Variants in PDZD2 observed in about 807,000 individuals in gnomAD.
PDZD2 encodes the protein PDZ domain containing 2.
In PDZD2, 90 loss-of-function variants were observed where a neutral mutation model predicts 220.7. The ratio of observed to expected loss-of-function variants is 0.41; its 90% CI spans 0.34 to 0.49. PDZD2 has a LOEUF of 0.49. PDZD2 is among the 20% of genes least tolerant of loss of function. The pLI, the probability that PDZD2 is intolerant of heterozygous loss-of-function variation, is 0.28. For synonymous variants in PDZD2, 1,375 were observed against 1,450.5 expected, an observed-to-expected ratio of 0.95 and a Z score of 1.18; for missense variants, 3,174 against 3,608.5, an observed-to-expected ratio of 0.88 and a Z score of 3.08.
intron 2 of PDZD2, among the ~76,000 whole-genome samples, chr5:31,872,313 TG>T (rs1030198756): frequency 5.3e-5 from 8 of 152,126 alleles, no homozygotes; most frequent in Admixed American, 5.2e-4. Flanking sequence ...AGAATTTCCC[TG>T]GGGAAAAATC....
intron 1 of PDZD2, among the ~76,000 whole-genome samples, chr5:31,690,549 A>G (rs115785108): frequency 0.014 from 2,091 of 152,306 alleles, 54 homozygotes; most frequent in African/African-American, 0.048. Flanking sequence ...CTGTCTTTGC[A>G]TCTTCCAGCT....
chr5:31,875,400 A>G (rs1007027597), intron 2 of PDZD2, among the ~76,000 whole-genome samples: 17 of 152,004 alleles, frequency 1.1e-4, no homozygotes, highest in Admixed American at 8.5e-4. Flanking sequence ...CCTGGCCAAC[A>G]TGGCGAAACC....
At position 32,087,022 on chromosome 5, in the gene PDZD2, A is replaced by G; in HGVS notation, c.3683-109A>G. The G allele has an allele frequency of 1.5e-6, 1 of 677,940 alleles. No individual in the cohort carries two copies. The highest frequency in any genetic ancestry group is 2.6e-6 in the Non-Finnish European group (1 of 390,090). The allele number at this position is 677,940 out of a possible 1,614,324, so 42.0% of individuals were successfully genotyped here. A position where few individuals can be genotyped will look rare whatever the true frequency, so the allele number is the denominator to read the frequency against. On this transcript the variant is annotated intron_variant, in intron 19 of 24. Coordinates refer to ENST00000438447, the MANE Select transcript of PDZD2 (RefSeq NM_178140.4). The surrounding 1 kb of genome is among the most constrained non-coding windows in gnomAD (Gnocchi z 4.0). Reference sequence around the variant, plus strand: ...AAGAAAAAAATATTTGAGGTTGTTTATAATTTTCTAGTTTTTAATAATTGA... The same window carrying G: ...AAGAAAAAAATATTTGAGGTTGTTTGTAATTTTCTAGTTTTTAATAATTGA...
chr5:32,054,144 A>G (rs533248470), intron 10 of PDZD2, among the ~76,000 whole-genome samples: 3 of 151,954 alleles, frequency 2.0e-5, no homozygotes, highest in Non-Finnish European at 2.9e-5. Context: ...TTTAGTGTCT[A>G]TCTTGTCAAC....
Position 32,087,818 on chromosome 5 carries a change from A to G in PDZD2, c.4370A>G (p.Gln1457Arg). 1 of 1,612,776 alleles carries G rather than the reference A, an allele frequency of 6.2e-7. No homozygotes were observed. Residue 1457 changes from glutamine to arginine, a missense_variant, in exon 20 of 25, where the codon CAG (glutamine) becomes CGG (arginine). Coordinates refer to ENST00000438447, the MANE Select transcript of PDZD2 (RefSeq NM_178140.4). This position sits in a 1 kb window ranked among gnomAD's most constrained non-coding sequence, Gnocchi z 4.0. The stretch of plus-strand genomic sequence containing the variant: ...AGTGGCTCTCAGGAGGGCAGTGCTC[A>G]GGGCCACCCACCAGCCGGGGCTGGA... Reference protein sequence around the residue: ...GDSGSQEGSAQGHPPAGAGGG... With the variant: ...GDSGSQEGSARGHPPAGAGGG...
chr5:31,734,358 C>T (rs1309039752), intron 1 of PDZD2, among the ~76,000 whole-genome samples: 2 of 152,122 alleles, frequency 1.3e-5, no homozygotes, highest in Non-Finnish European at 2.9e-5. Flanking sequence ...CTCGCTCTGT[C>T]TCCCAGGCTG....
chr5:31,654,738 T>G (rs1296207127), intron 1 of PDZD2, among the ~76,000 whole-genome samples: 2 of 152,190 alleles, frequency 1.3e-5, no homozygotes, highest in Admixed American at 1.3e-4. Context: ...TGGGCTATTT[T>G]AGGAATCTCC....
chr5:31,864,559 G>A (rs1165098650), intron 2 of PDZD2, among the ~76,000 whole-genome samples: 1 of 149,896 alleles, frequency 6.7e-6, no homozygotes. Flanking sequence ...CGCTCTTGTC[G>A]CCCAGGCTGG....
At chr5:31,904,182 C>G (rs1413954048) in intron 2 of PDZD2, among the ~76,000 whole-genome samples, 1 of 152,126 alleles carries the variant, frequency 6.6e-6, no homozygotes, top group African/African-American at 2.4e-5. Context: ...TATGCCACTT[C>G]TTATAAGCTC....
chr5:31,951,763 G>A (rs13175119), intron 2 of PDZD2, among the ~76,000 whole-genome samples: 34,649 of 152,076 alleles, frequency 0.23, 4,507 homozygotes, highest in Non-Finnish European at 0.28. Context: ...AGAAAAATAC[G>A]GTGAATTGGA....
intron 2 of PDZD2, among the ~76,000 whole-genome samples, chr5:31,808,681 A>G (rs886698658): frequency 6.6e-6 from 1 of 152,172 alleles, no homozygotes; most frequent in Non-Finnish European, 1.5e-5. Context: ...AACATCATAA[A>G]TAACAACTAA....
intron 6 of PDZD2, among the ~76,000 whole-genome samples, chr5:32,032,253 G>C (rs1383559340): frequency 2.0e-5 from 3 of 152,174 alleles, no homozygotes; most frequent in African/African-American, 7.2e-5. Flanking sequence ...AGAGGCCCAG[G>C]CCCTGTTCCT....
intron 1 of PDZD2, among the ~76,000 whole-genome samples, chr5:31,702,490 A>G (rs573248477): frequency 6.6e-6 from 1 of 152,150 alleles, no homozygotes; most frequent in Non-Finnish European, 1.5e-5. Flanking sequence ...ACGATGATGG[A>G]TCTAAGGGCA....
intron 14 of PDZD2, 84 bp downstream of exon 14, chr5:32,061,218 C>A: frequency 7.0e-7 from 1 of 1,423,406 alleles, no homozygotes; most frequent in East Asian, 2.3e-5. Context: ...GATGGTTTTC[C>A]CAGCTGGGGA....
intron 2 of PDZD2, among the ~76,000 whole-genome samples, chr5:31,905,803 T>G (rs995007300): frequency 1.3e-5 from 2 of 152,158 alleles, no homozygotes; most frequent in African/African-American, 2.4e-5. Flanking sequence ...ATGGCTCATG[T>G]GCTAGAAGCT....
At chr5:31,672,324 G>T (rs1432690437) in intron 1 of PDZD2, among the ~76,000 whole-genome samples, 1 of 151,572 alleles carries the variant, frequency 6.6e-6, no homozygotes, top group African/African-American at 2.4e-5. Flanking sequence ...CAGCCAATTG[G>T]TGGGTCACCC....
intron 1 of PDZD2, among the ~76,000 whole-genome samples, chr5:31,741,420 T>C (rs568803131): frequency 2.4e-4 from 36 of 152,040 alleles, no homozygotes; most frequent in Non-Finnish European, 4.6e-4. Flanking sequence ...TTGTTACTTG[T>C]GCATCCATAG....
At chr5:31,720,278 G>C (rs1176491157) in intron 1 of PDZD2, among the ~76,000 whole-genome samples, 1 of 152,220 alleles carries the variant, frequency 6.6e-6, no homozygotes, top group Non-Finnish European at 1.5e-5. Context: ...CAGAAGAAGG[G>C]AACTTCTGCA....
intron 1 of PDZD2, among the ~76,000 whole-genome samples, chr5:31,789,647 G>A: frequency 6.6e-6 from 1 of 152,176 alleles, no homozygotes. Context: ...AAAACTTCCG[G>A]GCTGGGCGTG....
Sources: gnomAD v4.1 joint callset for allele counts (sites outside exome capture counted in the v4.1 genomes callset) on GRCh38, gnomAD v4.1.1 for gene constraint, Gnocchi (gnomAD v3.1) non-coding constraint, MANE v1.5 for transcripts, NCBI Gene and HGNC (gene_info 2026-07-23, HGNC 2026-07-21) for gene names.